MSI2: variants seen among roughly 807,000 people sequenced by gnomAD.
MSI2 encodes RNA-binding protein Musashi homolog 2.
In MSI2, 17 loss-of-function variants were observed where a neutral mutation model predicts 45.6. The observed-to-expected ratio is 0.37, with a 90% CI of 0.26 to 0.56. The LOEUF is 0.56. Among genes scored for constraint, MSI2 ranks in the 20% least tolerant of loss-of-function variants. MSI2 has a pLI of 0.77. For synonymous variants in MSI2, 156 were observed against 158.2 expected (o/e 0.99, Z 0.11); for missense variants, 293 against 444.2 (o/e 0.66, Z 3.06).
intron 12 of MSI2, among the ~76,000 whole-genome samples, chr17:57,676,081 A>G (rs1198319040): frequency 6.6e-6 from 1 of 152,250 alleles, no homozygotes; most frequent in Non-Finnish European, 1.5e-5. Context: ...CGTTCCTGTC[A>G]GACTCCGCTT....
intron 6 of MSI2, among the ~76,000 whole-genome samples, chr17:57,475,070 T>C (rs1371074832): frequency 6.6e-6 from 1 of 152,160 alleles, no homozygotes; most frequent in Non-Finnish European, 1.5e-5. Flanking sequence ...ACATCTGAGG[T>C]GCTTGATCCA....
intron 5 of MSI2, among the ~76,000 whole-genome samples, chr17:57,339,217 C>T (rs893714984): frequency 1.3e-5 from 2 of 152,220 alleles, no homozygotes; most frequent in Non-Finnish European, 2.9e-5. Context: ...CCCGGTTTCA[C>T]TGAGCAGAGG....
At chr17:57,507,596 A>G (rs1377636107) in intron 6 of MSI2, among the ~76,000 whole-genome samples, 1 of 152,106 alleles carries the variant, frequency 6.6e-6, no homozygotes, top group African/African-American at 2.4e-5. Flanking sequence ...AGGACTATAA[A>G]ATAATGACTA....
intron 6 of MSI2, among the ~76,000 whole-genome samples, chr17:57,513,328 A>C (rs1353083290): frequency 1.3e-5 from 2 of 152,162 alleles, no homozygotes; most frequent in Non-Finnish European, 2.9e-5. Context: ...ACCAACTTGA[A>C]GTGAAGTAAC....
chr17:57,664,939 C>T (rs1567966987), intron 11 of MSI2, among the ~76,000 whole-genome samples: 1 of 152,196 alleles, frequency 6.6e-6, no homozygotes, highest in African/African-American at 2.4e-5. Flanking sequence ...ATCACAGACC[C>T]ATCAAACCAG....
intron 7 of MSI2, among the ~76,000 whole-genome samples, chr17:57,544,027 T>G (rs1168856308): frequency 6.6e-6 from 1 of 152,082 alleles, no homozygotes; most frequent in African/African-American, 2.4e-5. Context: ...TTTTCAGGAG[T>G]GAAAAACTAT....
intron 7 of MSI2, among the ~76,000 whole-genome samples, chr17:57,586,841 C>G (rs898304483): frequency 2.6e-5 from 3 of 117,362 alleles, no homozygotes; most frequent in African/African-American, 9.0e-5. Context: ...GGCAAAACCC[C>G]ATCTCCTTAA....
chr17:57,643,623 C>G (rs1207869896), intron 10 of MSI2, among the ~76,000 whole-genome samples: 1 of 152,220 alleles, frequency 6.6e-6, no homozygotes, highest in Non-Finnish European at 1.5e-5. Context: ...TGCTGCCTAA[C>G]TTCTATTTTA....
intron 7 of MSI2, among the ~76,000 whole-genome samples, chr17:57,570,777 G>T (rs1019794922): frequency 3.3e-5 from 5 of 152,200 alleles, no homozygotes; most frequent in Admixed American, 1.3e-4. Flanking sequence ...TCACAGGGTC[G>T]CCAGAGTCTG....
intron 6 of MSI2, among the ~76,000 whole-genome samples, chr17:57,445,348 T>A (rs1348460346): frequency 6.6e-6 from 1 of 152,238 alleles, no homozygotes; most frequent in East Asian, 1.9e-4. Context: ...AGTCAGATGC[T>A]GAGCTGTCCG....
intron 6 of MSI2, among the ~76,000 whole-genome samples, chr17:57,509,718 G>GCCTCCT (rs1567867419): frequency 3.3e-5 from 5 of 152,176 alleles, no homozygotes; most frequent in African/African-American, 9.7e-5. Context: ...ACCATGCCCA[G>GCCTCCT]CTGGTTGCTT....
At chr17:57,641,949 C>G (rs1335912850) in intron 10 of MSI2, among the ~76,000 whole-genome samples, 1 of 152,212 alleles carries the variant, frequency 6.6e-6, no homozygotes, top group South Asian at 2.1e-4. Context: ...GACGCTGAAC[C>G]AAGTGTCCTT....
Position 57,683,944 on chromosome 17 carries a change from CA to C in MSI2, c.*4435del, listed in dbSNP as rs1347139126. ...TTCTTTTTCTTTCTTTTTTTTCTACCAAAAAAAAGTAAGTAAACTAAAACAC... is the reference window on the plus strand; with the variant it reads ...TTCTTTTTCTTTCTTTTTTTTCTACCAAAAAAAGTAAGTAAACTAAAACAC... On this transcript the variant is annotated 3_prime_UTR_variant, in exon 14 of 14. Transcript: ENST00000284073. The surrounding 1 kb of genome is among the most constrained non-coding windows in gnomAD (Gnocchi z 5.2). The C allele has an allele frequency of 1.2e-4, 28 of 227,716 alleles. No individual in the cohort carries two copies. The highest frequency in any genetic ancestry group is 2.5e-4 in the East Asian group (4 of 16,124). The allele number at this position is 227,716 out of a possible 1,614,324, so 14.1% of individuals were successfully genotyped here.
intron 6 of MSI2, among the ~76,000 whole-genome samples, chr17:57,526,371 G>A (rs62058096): frequency 0.031 from 1,948 of 62,694 alleles, 55 homozygotes; most frequent in African/African-American, 0.17. Flanking sequence ...GTGTGTGTGT[G>A]TGTGTGTGTG....
At chr17:57,464,168 G>A (rs2085287306) in intron 6 of MSI2, among the ~76,000 whole-genome samples, 1 of 152,072 alleles carries the variant, frequency 6.6e-6, no homozygotes, top group African/African-American at 2.4e-5. Context: ...AGTTGGCCAG[G>A]GCAGTGGCTC....
intron 7 of MSI2, among the ~76,000 whole-genome samples, chr17:57,547,070 G>A (rs2087186174): frequency 1.3e-5 from 2 of 152,228 alleles, no homozygotes; most frequent in African/African-American, 4.8e-5. Flanking sequence ...TGAGGAATAG[G>A]CCTTGGACTT....
At chr17:57,302,532 A>G (rs956559772) in intron 5 of MSI2, among the ~76,000 whole-genome samples, 1 of 152,230 alleles carries the variant, frequency 6.6e-6, no homozygotes, top group Non-Finnish European at 1.5e-5. Flanking sequence ...TTTTTAGGGA[A>G]AGGAATCCAG....
At chr17:57,585,324 C>G (rs978588561) in intron 7 of MSI2, among the ~76,000 whole-genome samples, 1 of 152,098 alleles carries the variant, frequency 6.6e-6, no homozygotes, top group Non-Finnish European at 1.5e-5. Flanking sequence ...AGAGATTGGG[C>G]TAGGGGAGAA....
At chr17:57,586,105 A>T (rs1272721090) in intron 7 of MSI2, among the ~76,000 whole-genome samples, 2 of 152,244 alleles carry the variant, frequency 1.3e-5, no homozygotes, top group Non-Finnish European at 2.9e-5. Flanking sequence ...CACAAAAAAT[A>T]GGTTTGTGAA....
Sources: allele counts gnomAD v4.1 joint callset (sites outside exome capture counted in the v4.1 genomes callset), GRCh38; gene constraint gnomAD v4.1.1; non-coding constraint Gnocchi (gnomAD v3.1); transcripts MANE v1.5; gene names NCBI Gene and HGNC (gene_info 2026-07-23, HGNC 2026-07-21).